The following LHX2 variants were observed in gnomAD, a reference collection of about 807,000 sequenced individuals.
LHX2 encodes the protein LIM homeobox 2.
LHX2 carries 6 observed loss-of-function variants against 33.0 expected under a neutral mutation model. The observed-to-expected ratio is 0.18, with a 90% CI of 0.10 to 0.36. The LOEUF (loss-of-function observed/expected upper bound fraction) is 0.36, where lower values mean the gene tolerates loss of function less well. LHX2 is among the 10% of genes least tolerant of loss of function. The probability of loss-of-function intolerance (pLI) is 1.00; values close to 1 mark genes in which losing one functional copy is unlikely to be tolerated. For synonymous variants in LHX2, 292 were observed against 253.1 expected (o/e 1.15, Z -1.46); for missense variants, 442 against 586.2 (o/e 0.75, Z 2.54).
intron 4 of LHX2, among the ~76,000 whole-genome samples, chr9:124,026,965 C>T (rs1267761617): frequency 2.0e-5 from 3 of 152,162 alleles, no homozygotes; most frequent in South Asian, 2.1e-4. Flanking sequence ...GTCTACCACC[C>T]AGGTGGGTGA....
At position 124,032,556 on chromosome 9, in the gene LHX2, C is replaced by G; in HGVS notation, c.1070C>G (p.Ser357Trp). Residue 357 changes from serine (S) to tryptophan (W), a missense_variant, in exon 5 of 5, where the codon TCG becomes TGG. By Grantham distance (177) the Ser-to-Trp change is radical (BLOSUM62 -3). This residue lies in a region of LHX2 where 109 missense variants were observed against 98.7 expected (regional missense o/e 1.10). Coordinates refer to ENST00000373615, the MANE Select transcript of LHX2 (RefSeq NM_004789.4). The surrounding 1 kb of genome is among the most constrained non-coding windows in gnomAD (Gnocchi z 4.1). ...SGPASELSNA[S>W]LSPSSTPTTL... ...CCGGCCTCGGAGCTCTCCAACGCCT[C>G]GCTCAGCCCCTCCAGCACGCCCACC... 6.2e-7 allele frequency: 1 copy of G among 1,614,128 alleles called. No individual in the cohort carries two copies. The highest frequency in any genetic ancestry group is 8.5e-7 in the Non-Finnish European group (1 of 1,180,008).
At chr9:124,024,256 C>T (rs1315104716) in intron 4 of LHX2, among the ~76,000 whole-genome samples, 1 of 152,252 alleles carries the variant, frequency 6.6e-6, no homozygotes. Flanking sequence ...ATCTTTCCAG[C>T]CACGTATCTA....
At chr9:124,031,478 A>T (rs757706391) in intron 4 of LHX2, 10 of 152,224 alleles carry the variant, frequency 6.6e-5, no homozygotes, top group Non-Finnish European at 1.3e-4. Context: ...GGAATGTCTC[A>T]AAGAACCATT....
intron 4 of LHX2, among the ~76,000 whole-genome samples, chr9:124,030,429 G>A (rs1313329074): frequency 4.6e-5 from 7 of 152,084 alleles, no homozygotes; most frequent in Non-Finnish European, 1.0e-4. Flanking sequence ...TTTTCCTCAC[G>A]CAAAGGGAAG....
intron 3 of LHX2, among the ~76,000 whole-genome samples, chr9:124,018,236 A>T (rs996332188): frequency 6.6e-6 from 1 of 150,778 alleles, no homozygotes; most frequent in Non-Finnish European, 1.5e-5. Flanking sequence ...TGATTTTACG[A>T]GCTCTTTAGC....
chr9:124,013,987 C>T lies in LHX2; in HGVS notation c.147C>T (p.Arg49=). ...ETTMPSISSD[R]AALCAGCGGK... is the part of the protein sequence containing the mutation. Reference sequence around the variant, plus strand: ...CCATGCCGTCCATCAGCAGTGACCGCGCCGCGCTGTGCGCCGGCTGCGGGG... The same window carrying T: ...CCATGCCGTCCATCAGCAGTGACCGTGCCGCGCTGTGCGCCGGCTGCGGGG... Residue 49 remains arginine, a synonymous_variant, in exon 2 of 5, where the codon CGC becomes CGT. Transcript: ENST00000373615. 1 of 1,613,182 alleles carries T rather than the reference C, an allele frequency of 6.2e-7. No homozygotes were observed. Among genetic ancestry groups the T allele is most frequent in the Non-Finnish European group, 8.5e-7 (1 of 1,179,982 alleles).
At chr9:124,020,058 G>C (rs1211685814) in intron 3 of LHX2, among the ~76,000 whole-genome samples, 1 of 152,212 alleles carries the variant, frequency 6.6e-6, no homozygotes, top group Non-Finnish European at 1.5e-5. Flanking sequence ...AAAACAAGGA[G>C]TACTCCAGTG....
At chr9:124,017,457 C>T (rs1011400947) in intron 3 of LHX2, among the ~76,000 whole-genome samples, 10 of 152,326 alleles carry the variant, frequency 6.6e-5, no homozygotes, top group South Asian at 4.1e-4. Flanking sequence ...TCCCTCCCCT[C>T]CCGCACTGGC....
Position 124,032,183 on chromosome 9 carries a change from A to G in LHX2, c.934-237A>G. Reference sequence around the variant, plus strand: ...CTTGATCCCAGGAGTTAGAAGCTGCAGTGAGTCGAGATTGTGTCACTGCAC... The same window carrying G: ...CTTGATCCCAGGAGTTAGAAGCTGCGGTGAGTCGAGATTGTGTCACTGCAC... On this transcript the variant is annotated intron_variant, in intron 4 of 4. Transcript: ENST00000373615. The surrounding 1 kb of genome is among the most constrained non-coding windows in gnomAD (Gnocchi z 4.1). 2.1e-6 allele frequency: 1 copy of G among 472,798 alleles called. No individual in the cohort carries two copies. Among genetic ancestry groups the G allele is most frequent in the Non-Finnish European group, 3.7e-6 (1 of 270,632 alleles). The allele number at this position is 472,798 out of a possible 1,614,324, so 29.3% of individuals were successfully genotyped here. A position where few individuals can be genotyped will look rare whatever the true frequency, so the allele number is the denominator to read the frequency against.
chr9:124,030,057 T>C (rs900673333), intron 4 of LHX2, among the ~76,000 whole-genome samples: 2 of 152,230 alleles, frequency 1.3e-5, no homozygotes, highest in African/African-American at 4.8e-5. Flanking sequence ...TGGGCTTTCT[T>C]TGGGCGGAGA....
In LHX2 at chr9:124,019,881, T is replaced by A. The variant is rs1261705854; in HGVS notation, c.728-1218T>A. Among the ~76,000 whole-genome samples, 6 of 151,788 alleles carry A rather than the reference T, an allele frequency of 4.0e-5. No homozygotes were observed. The East Asian group carries it at 9.7e-4, about 24-fold the overall frequency. On this transcript the variant is annotated intron_variant, in intron 3 of 4. Transcript: ENST00000373615. ...CATGAGGAGGCGACCTTGGGAGGGG[T>A]CCTGCAGGTCCCCATCAGCTTCCAG...
rs1453313687 is a variant in LHX2 at position 124,016,931 on chromosome 9, T to A, written c.727+1406T>A. Among the ~76,000 whole-genome samples the A allele has an allele frequency of 6.6e-6, 1 of 152,124 alleles. No individual in the cohort carries two copies. Among genetic ancestry groups the A allele is most frequent in the Non-Finnish European group, 1.5e-5 (1 of 68,018 alleles). ...CTTCTATTTATCAAGTGGGTCAACTTCCACTCGGAAGCACCTCGCGGGGCT... is the reference window on the plus strand; with the variant it reads ...CTTCTATTTATCAAGTGGGTCAACTACCACTCGGAAGCACCTCGCGGGGCT... On this transcript the variant is annotated intron_variant, in intron 3 of 4. Transcript: ENST00000373615. This position sits in a 1 kb window ranked among gnomAD's most constrained non-coding sequence, Gnocchi z 4.4.
Position 124,012,275 on chromosome 9 carries a change from C to G in LHX2, c.-74C>G, listed in dbSNP as rs1039603816. On this transcript the variant is annotated 5_prime_UTR_variant, in exon 1 of 5. Coordinates refer to ENST00000373615, the MANE Select transcript of LHX2 (RefSeq NM_004789.4). This position sits in a 1 kb window ranked among gnomAD's most constrained non-coding sequence, Gnocchi z 4.3. ...GCACCGGGCCCGTTAGCGCCAGGAGCGCCAGGCAGCTGAGGCGGGGGGCAA... is the reference window on the plus strand; with the variant it reads ...GCACCGGGCCCGTTAGCGCCAGGAGGGCCAGGCAGCTGAGGCGGGGGGCAA... 4 of 1,378,312 alleles carry G rather than the reference C, an allele frequency of 2.9e-6. No homozygotes were observed. The highest frequency in any genetic ancestry group is 3.7e-6 in the Non-Finnish European group (4 of 1,067,968). The allele number at this position is 1,378,312 out of a possible 1,614,324, so 85.4% of individuals were successfully genotyped here.
chr9:124,031,456 A>C, intron 4 of LHX2, among the ~76,000 whole-genome samples: 1 of 138,690 alleles, frequency 7.2e-6, no homozygotes, highest in Admixed American at 7.0e-5. Flanking sequence ...AAGGAAAAAG[A>C]AAAAAAAAAA....
intron 3 of LHX2, among the ~76,000 whole-genome samples, chr9:124,018,173 G>T (rs1016354269): frequency 1.3e-5 from 2 of 151,926 alleles, no homozygotes; most frequent in African/African-American, 4.8e-5. Context: ...CAGTCCCAGC[G>T]ACAAGAGCTC....
intron 4 of LHX2, among the ~76,000 whole-genome samples, chr9:124,027,766 T>C (rs1828648536): frequency 6.6e-6 from 1 of 151,894 alleles, no homozygotes; most frequent in Admixed American, 6.6e-5. Context: ...TGCAGTGAGC[T>C]GAGATCGCAC....
chr9:124,022,435 A>C (rs1714844444), intron 4 of LHX2, among the ~76,000 whole-genome samples: 1 of 152,236 alleles, frequency 6.6e-6, no homozygotes, highest in South Asian at 2.1e-4. Flanking sequence ...AGGCAAGACA[A>C]TGCCTCCCTT....
intron 3 of LHX2, among the ~76,000 whole-genome samples, chr9:124,017,869 G>T (rs1029426935): frequency 6.6e-6 from 1 of 151,968 alleles, no homozygotes; most frequent in Non-Finnish European, 1.5e-5. Flanking sequence ...GGCCCCGGTG[G>T]AACGGAAACC....
intron 4 of LHX2, among the ~76,000 whole-genome samples, chr9:124,026,184 C>T (rs562495249): frequency 2.6e-4 from 40 of 151,840 alleles, no homozygotes; most frequent in East Asian, 2.0e-3. Context: ...ACTGGCTGGG[C>T]GTGGTGGCTC....
Sources: gnomAD v4.1 joint callset for allele counts (sites outside exome capture counted in the v4.1 genomes callset) on GRCh38, gnomAD v4.1.1 for gene constraint, gnomAD v4.1.1 regional missense constraint, Gnocchi (gnomAD v3.1) non-coding constraint, MANE v1.5 for transcripts, NCBI Gene and HGNC (gene_info 2026-07-23, HGNC 2026-07-21) for gene names.